FBXO38: variants seen among roughly 807,000 people sequenced by gnomAD.
FBXO38 encodes the protein F-box only protein 38.
A neutral mutation model predicts 131.9 loss-of-function variants in FBXO38; 53 were observed. The observed-to-expected ratio is 0.40, with a 90% CI of 0.32 to 0.51. FBXO38 has a LOEUF of 0.51. FBXO38 is among the 20% of genes least tolerant of loss of function. The probability of loss-of-function intolerance (pLI) is 0.53; values close to 1 mark genes in which losing one functional copy is unlikely to be tolerated. For synonymous variants in FBXO38, 452 were observed against 505.6 expected (o/e 0.89, Z 1.42); for missense variants, 1,076 against 1,475.6 (o/e 0.73, Z 4.44).
At chr5:148,430,152 A>ATTT (rs374898610) in intron 15 of FBXO38, 31 of 118,650 alleles carry the variant, frequency 2.6e-4, no homozygotes, top group African/African-American at 1.2e-3. Flanking sequence ...AATTATTATT[A>ATTT]TTATTATTTT....
At chr5:148,435,308 C>G (rs1276533953) in intron 17 of FBXO38, among the ~76,000 whole-genome samples, 1 of 152,048 alleles carries the variant, frequency 6.6e-6, no homozygotes, top group South Asian at 2.1e-4. Flanking sequence ...GGCTGTTTTG[C>G]TTTCTTATCA....
At chr5:148,402,630 A>AC in intron 5 of FBXO38, 117 bp downstream of exon 5, 1 of 919,330 alleles carries the variant, frequency 1.1e-6, no homozygotes, top group Non-Finnish European at 1.6e-6. Flanking sequence ...ATGATTGCAA[A>AC]ATAAATGTTT....
intron 1 of FBXO38, among the ~76,000 whole-genome samples, chr5:148,385,274 C>T (rs1366736524): frequency 6.6e-6 from 1 of 152,044 alleles, no homozygotes; most frequent in African/African-American, 2.4e-5. Flanking sequence ...GTTTTGTGTG[C>T]CTCTTTGTTT....
At chr5:148,425,024 A>G (rs1753636129) in intron 13 of FBXO38, among the ~76,000 whole-genome samples, 1 of 152,240 alleles carries the variant, frequency 6.6e-6, no homozygotes, top group Non-Finnish European at 1.5e-5. Flanking sequence ...TAGCCTTCAA[A>G]AATGTATCTG....
intron 15 of FBXO38, among the ~76,000 whole-genome samples, chr5:148,429,283 GTTTAGTTC>G (rs1753896829): frequency 6.6e-6 from 1 of 151,146 alleles, no homozygotes; most frequent in Non-Finnish European, 1.5e-5. Context: ...ATTGATTTCA[GTTTAGTTC>G]CTTAGTTCAG....
chr5:148,415,145 AT>A (rs1752978303), intron 10 of FBXO38, among the ~76,000 whole-genome samples: 1 of 152,184 alleles, frequency 6.6e-6, no homozygotes. Flanking sequence ...CCAAGAAGTT[AT>A]TGGGAAATAT....
chr5:148,394,087 G>T (rs1758352796), intron 1 of FBXO38, among the ~76,000 whole-genome samples: 1 of 152,142 alleles, frequency 6.6e-6, no homozygotes. Context: ...AGGGAGAAGG[G>T]ATGTTTCATT....
chr5:148,442,102 C>A lies in FBXO38; in HGVS notation c.3522C>A (p.His1174Gln). The A allele has an allele frequency of 6.2e-7, 1 of 1,614,104 alleles. No homozygotes were observed. Residue 1174 changes from histidine (H) to glutamine (Q), a missense_variant, in exon 22 of 22, where the codon CAC becomes CAA. By Grantham distance (24) the His-to-Gln change is conservative. Around this residue, in one of 8 missense-constraint regions of FBXO38, gnomAD observed 282 missense variants for 418.8 expected, o/e 0.67. Transcript: ENST00000340253. The stretch of plus-strand genomic sequence containing the variant: ...AGCGAGTAGTGGCAATTTTTATCCA[C>A]TATTGTGATGTCAATGGAGAGCCAG... ...VFQRVVAIFI[H>Q]YCDVNGEPVE...
At chr5:148,397,464 A>G (rs1298790453) in intron 2 of FBXO38, among the ~76,000 whole-genome samples, 1 of 152,188 alleles carries the variant, frequency 6.6e-6, no homozygotes, top group Non-Finnish European at 1.5e-5. Context: ...GGCAAAATTT[A>G]TTTAGAAAGC....
chr5:148,388,174 CTT>C (rs1485306941), intron 1 of FBXO38, among the ~76,000 whole-genome samples: 1 of 152,130 alleles, frequency 6.6e-6, no homozygotes, highest in East Asian at 1.9e-4. Flanking sequence ...TAAAAGGAAA[CTT>C]TTCTGAGCAG....
In FBXO38 at chr5:148,425,619, C is replaced by T. The variant is rs1300716799; in HGVS notation, c.1836C>T (p.Val612=). ...AAGATAGTCTAGAACTCCAAGAAGT[C>T]TGGATTCCTAAGAACGGTACTCGGC... ...DEEDSLELQE[V]WIPKNGTRRY... is the part of the protein sequence containing the mutation. Residue 612 remains valine (V), a synonymous_variant, in exon 14 of 22, where the codon GTC becomes GTT. Coordinates refer to ENST00000340253, the MANE Select transcript of FBXO38 (RefSeq NM_205836.3). The T allele has an allele frequency of 1.2e-6, 2 of 1,613,800 alleles. No homozygotes were observed. Among genetic ancestry groups the T allele is most frequent in the African/African-American group, 2.7e-5 (2 of 74,900 alleles).
At chr5:148,406,777 T>C (rs925359071) in intron 7 of FBXO38, among the ~76,000 whole-genome samples, 2 of 152,174 alleles carry the variant, frequency 1.3e-5, no homozygotes, top group Admixed American at 1.3e-4. Context: ...GCATTAATAA[T>C]GTTAATCTCT....
At chr5:148,414,330 C>T in intron 10 of FBXO38, 24 bp downstream of exon 10, 1 of 1,541,962 alleles carries the variant, frequency 6.5e-7, no homozygotes, top group Non-Finnish European at 8.8e-7. Context: ...AAAAATACAG[C>T]TATGTTTTAT....
intron 12 of FBXO38, 179 bp from the exon 13 acceptor site, chr5:148,423,819 A>G (rs766944362): frequency 3.1e-5 from 16 of 509,846 alleles, no homozygotes; most frequent in South Asian, 5.1e-5. Flanking sequence ...CTGTAGACTG[A>G]TTAAATACTT....
intron 11 of FBXO38, among the ~76,000 whole-genome samples, chr5:148,416,274 G>T (rs375088761): frequency 8.5e-5 from 13 of 152,110 alleles, no homozygotes; most frequent in African/African-American, 3.1e-4. Flanking sequence ...GGGTTCTCTG[G>T]GGAAGGGTAA....
At chr5:148,421,749 T>A (rs138721783) in intron 12 of FBXO38, among the ~76,000 whole-genome samples, 5 of 152,204 alleles carry the variant, frequency 3.3e-5, no homozygotes, top group African/African-American at 1.2e-4. Flanking sequence ...GAATCATTTG[T>A]ATCTTCACTA....
chr5:148,428,727 C>T (rs982301015), intron 15 of FBXO38, among the ~76,000 whole-genome samples: 9 of 152,166 alleles, frequency 5.9e-5, no homozygotes, highest in African/African-American at 2.2e-4. Context: ...CATAGGCAGT[C>T]AGTGCTTTTT....
chr5:148,386,281 G>T (rs1757910131), intron 1 of FBXO38, among the ~76,000 whole-genome samples: 1 of 152,170 alleles, frequency 6.6e-6, no homozygotes, highest in South Asian at 2.1e-4. Flanking sequence ...CTTGATGATA[G>T]AATGTTTACT....
chr5:148,399,175 A>C, intron 3 of FBXO38, 43 bp downstream of exon 3: 1 of 1,600,512 alleles, frequency 6.2e-7, no homozygotes, highest in South Asian at 1.1e-5. Context: ...GTCCTACTGG[A>C]AAGTAGTAAC....
Sources: gnomAD v4.1 joint callset for allele counts (sites outside exome capture counted in the v4.1 genomes callset) on GRCh38, gnomAD v4.1.1 for gene constraint, gnomAD v4.1.1 regional missense constraint, MANE v1.5 for transcripts, NCBI Gene and HGNC (gene_info 2026-07-23, HGNC 2026-07-21) for gene names.